SAMD4A: variants seen among roughly 807,000 people sequenced by gnomAD.
The protein encoded by SAMD4A is protein Smaug homolog 1.
SAMD4A carries 33 observed loss-of-function variants against 81.3 expected under a neutral mutation model. The ratio of observed to expected loss-of-function variants is 0.41; its 90% CI spans 0.31 to 0.54. The LOEUF (loss-of-function observed/expected upper bound fraction) is 0.54, where lower values mean the gene tolerates loss of function less well. Ranked by LOEUF, SAMD4A falls within the 20% of genes least tolerant of loss-of-function variation. The probability of loss-of-function intolerance (pLI) is 0.37; values close to 1 mark genes in which losing one functional copy is unlikely to be tolerated. For missense variants in SAMD4A, 854 were observed against 951.1 expected (o/e 0.90, Z 1.34); for synonymous variants, 389 against 382.1 (o/e 1.02, Z -0.21).
At chr14:54,573,920 A>C (rs1238567798) in intron 2 of SAMD4A, among the ~76,000 whole-genome samples, 1 of 152,224 alleles carries the variant, frequency 6.6e-6, no homozygotes, top group Admixed American at 6.5e-5. Flanking sequence ...CCGGAAGCTC[A>C]TTCTATTGTT....
At chr14:54,610,408 G>C (rs2034322998) in intron 2 of SAMD4A, among the ~76,000 whole-genome samples, 1 of 152,158 alleles carries the variant, frequency 6.6e-6, no homozygotes, top group South Asian at 2.1e-4. Context: ...CCAGAAAAGC[G>C]TTTTCTTTAC....
At chr14:54,699,027 T>C (rs558353093) in intron 2 of SAMD4A, among the ~76,000 whole-genome samples, 1 of 152,262 alleles carries the variant, frequency 6.6e-6, no homozygotes, top group South Asian at 2.1e-4. Context: ...CCTCATGAAT[T>C]TTTTATTAGA....
intron 2 of SAMD4A, among the ~76,000 whole-genome samples, chr14:54,622,949 G>A (rs910339427): frequency 2.6e-5 from 4 of 152,214 alleles, no homozygotes; most frequent in African/African-American, 7.2e-5. Flanking sequence ...ATCTTAGGCC[G>A]ATCGGTCTGA....
At chr14:54,654,347 A>T (rs1437977151) in intron 2 of SAMD4A, among the ~76,000 whole-genome samples, 1 of 152,154 alleles carries the variant, frequency 6.6e-6, no homozygotes, top group Non-Finnish European at 1.5e-5. Flanking sequence ...GAGCTTAGCA[A>T]GAAAGACAGC....
chr14:54,631,787 G>A (rs116648667), intron 2 of SAMD4A, among the ~76,000 whole-genome samples: 6 of 151,940 alleles, frequency 3.9e-5, no homozygotes, highest in Non-Finnish European at 8.8e-5. Context: ...GCATTTTTCT[G>A]ACCCTGTATA....
chr14:54,750,467 T>C (rs994746685), intron 5 of SAMD4A, among the ~76,000 whole-genome samples: 3 of 152,260 alleles, frequency 2.0e-5, no homozygotes, highest in Admixed American at 6.5e-5. Flanking sequence ...TATCAACAAC[T>C]ATTTAAGTAA....
At chr14:54,688,290 A>C in intron 2 of SAMD4A, 3 of 985,418 alleles carry the variant, frequency 3.0e-6, no homozygotes, top group Non-Finnish European at 3.6e-6. Context: ...CTCCGGAGCA[A>C]CCGTTTAGAG....
chr14:54,738,902 G>C (rs926049978), intron 4 of SAMD4A, among the ~76,000 whole-genome samples: 17 of 152,222 alleles, frequency 1.1e-4, no homozygotes, highest in Admixed American at 7.2e-4. Flanking sequence ...TGGGGAGGAA[G>C]CATTGGCCTT....
rs777737214 is a variant in SAMD4A, at chr14:54,760,173, G to C, written c.1189G>C (p.Gly397Arg). 3 of 1,612,356 alleles carry C rather than the reference G, an allele frequency of 1.9e-6. No individual in the cohort carries two copies. Among genetic ancestry groups the C allele is most frequent in the Non-Finnish European group, 1.7e-6 (2 of 1,179,648 alleles). The change falls in exon 7 of 13, where the codon GGG (glycine) becomes CGG (arginine). Residue 397 changes from glycine (G) to arginine (R), a missense_variant. Physicochemically the swap from Gly to Arg is moderately radical, Grantham distance 125. Coordinates refer to ENST00000554335, the MANE Select transcript of SAMD4A (RefSeq NM_015589.6). ...LKSLERDIIE[G>R]GSLRIPLQEL... is the part of the protein sequence containing the mutation. ...TCTCACCGTCCAGGACATCATCGAG[G>C]GGGGCAGCCTGCGCATCCCGCTCCA... is the stretch of plus-strand genomic sequence containing the variant.
At chr14:54,696,322 T>C (rs374643836) in intron 2 of SAMD4A, among the ~76,000 whole-genome samples, 1 of 152,204 alleles carries the variant, frequency 6.6e-6, no homozygotes, top group African/African-American at 2.4e-5. Flanking sequence ...TTGTGCAGAG[T>C]TGCACTATAT....
intron 2 of SAMD4A, among the ~76,000 whole-genome samples, chr14:54,608,092 G>C (rs1052196660): frequency 3.9e-5 from 6 of 151,996 alleles, no homozygotes; most frequent in African/African-American, 1.5e-4. Flanking sequence ...CTAGTGTCGA[G>C]AGGACAGAAG....
chr14:54,698,831 C>CTGAA (rs1382684827), intron 2 of SAMD4A, among the ~76,000 whole-genome samples: 1 of 152,174 alleles, frequency 6.6e-6, no homozygotes, highest in Non-Finnish European at 1.5e-5. Context: ...TGTTCCTCCT[C>CTGAA]TGAATCCCAG....
chr14:54,733,769 G>C (rs1269238681), intron 3 of SAMD4A, among the ~76,000 whole-genome samples: 4 of 151,934 alleles, frequency 2.6e-5, no homozygotes, highest in Admixed American at 1.3e-4. Context: ...GGGGCAGCTA[G>C]CACCACACTG....
Position 54,606,183 on chromosome 14 carries a change from C to CTGTGTGTGTGTGTG in SAMD4A, c.196+38088_196+38101dup, listed in dbSNP as rs57209362. Among the ~76,000 whole-genome samples the CTGTGTGTGTGTGTG allele has an allele frequency of 4.7e-3, 696 of 146,658 alleles. 7 individuals carry two copies. The highest frequency in any genetic ancestry group is 0.016 in the African/African-American group (637 of 39,082). ...CATTCCTCTATGTCTTACTTCTGGG[C>CTGTGTGTGTGTGTG]TGTGTGTGTGTGTGTGTGTGTGTGT... is the stretch of plus-strand genomic sequence containing the variant. On this transcript the variant is annotated intron_variant, in intron 2 of 12. Coordinates refer to ENST00000554335, the MANE Select transcript of SAMD4A (RefSeq NM_015589.6).
intron 3 of SAMD4A, among the ~76,000 whole-genome samples, chr14:54,726,129 A>T (rs1428276293): frequency 6.6e-6 from 1 of 152,112 alleles, no homozygotes; most frequent in Admixed American, 6.6e-5. Context: ...TGCTCTCACC[A>T]GCTGAATTTC....
At chr14:54,689,393 C>G (rs1044738610) in intron 2 of SAMD4A, among the ~76,000 whole-genome samples, 1 of 152,158 alleles carries the variant, frequency 6.6e-6, no homozygotes, top group Non-Finnish European at 1.5e-5. Context: ...AGCTAACAAC[C>G]ACATAGTACT....
intron 3 of SAMD4A, among the ~76,000 whole-genome samples, chr14:54,730,631 A>G (rs995964608): frequency 1.3e-5 from 2 of 152,212 alleles, no homozygotes; most frequent in African/African-American, 4.8e-5. Flanking sequence ...TTAACCTTTC[A>G]GATTGGCTTT....
chr14:54,613,015 G>T (rs186159334), intron 2 of SAMD4A, among the ~76,000 whole-genome samples: 18 of 152,248 alleles, frequency 1.2e-4, no homozygotes, highest in African/African-American at 4.3e-4. Context: ...TACTCGGGAG[G>T]CTGAGGCAGG....
At chr14:54,611,875 TAAAAAAA>T (rs1179117861) in intron 2 of SAMD4A, among the ~76,000 whole-genome samples, 2 of 120,198 alleles carry the variant, frequency 1.7e-5, no homozygotes, top group African/African-American at 3.1e-5. Flanking sequence ...AGACTCTGTC[TAAAAAAA>T]AAAAAAAAGA....
Sources: allele counts gnomAD v4.1 joint callset (sites outside exome capture counted in the v4.1 genomes callset), GRCh38; gene constraint gnomAD v4.1.1; transcripts MANE v1.5; gene names NCBI Gene and HGNC (gene_info 2026-07-23, HGNC 2026-07-21).